NEDD4L: variants seen among roughly 807,000 people sequenced by gnomAD.
The protein encoded by NEDD4L is E3 ubiquitin-protein ligase NEDD4-like.
Under a neutral mutation model 148.9 loss-of-function variants are expected in NEDD4L, and 54 were observed. That is an observed-to-expected ratio of 0.36 (90% CI 0.29 to 0.45). NEDD4L has a LOEUF of 0.45. Among genes scored for constraint, NEDD4L ranks in the 20% least tolerant of loss-of-function variants. NEDD4L has a pLI of 1.00. For synonymous variants in NEDD4L, 433 were observed against 440.7 expected, an observed-to-expected ratio of 0.98 and a Z score of 0.22; for missense variants, 856 against 1,233.8, an observed-to-expected ratio of 0.69 and a Z score of 4.59.
chr18:58,079,478 C>T (rs1002450980), intron 1 of NEDD4L, among the ~76,000 whole-genome samples: 2 of 152,198 alleles, frequency 1.3e-5, no homozygotes, highest in Non-Finnish European at 2.9e-5. Context: ...CACCCTATAA[C>T]TTAGGTAACT....
chr18:58,070,806 A>C (rs2082832630), intron 1 of NEDD4L, among the ~76,000 whole-genome samples: 1 of 149,202 alleles, frequency 6.7e-6, no homozygotes, highest in Non-Finnish European at 1.5e-5. Flanking sequence ...GCGAACCACT[A>C]AACTAAGAGT....
chr18:58,345,974 G>A (rs1002869156), intron 16 of NEDD4L, among the ~76,000 whole-genome samples: 1 of 149,652 alleles, frequency 6.7e-6, no homozygotes, highest in African/African-American at 2.5e-5. Context: ...GGCTAGGCTG[G>A]TCTCGAACTC....
chr18:58,314,469 A>C (rs2058052295), intron 5 of NEDD4L: 1 of 152,074 alleles, frequency 6.6e-6, no homozygotes. Flanking sequence ...TAACAGGCAC[A>C]CTGCCTAATT....
At chr18:58,341,888 ACCT>A (rs1310999088) in intron 15 of NEDD4L, 91 bp downstream of exon 15, 2 of 1,414,072 alleles carry the variant, frequency 1.4e-6, no homozygotes, top group Non-Finnish European at 1.9e-6. Context: ...TTTCGCAGCC[ACCT>A]CCTCTCTCTG....
At chr18:58,054,822 T>G (rs894425633) in intron 1 of NEDD4L, 1 of 152,224 alleles carries the variant, frequency 6.6e-6, no homozygotes, top group African/African-American at 2.4e-5. Flanking sequence ...GGAGCTGAAC[T>G]TCCCATGTTG....
intron 2 of NEDD4L, among the ~76,000 whole-genome samples, chr18:58,176,862 C>A (rs1414708174): frequency 6.6e-6 from 1 of 152,194 alleles, no homozygotes; most frequent in African/African-American, 2.4e-5. Context: ...GTCTGTAGGG[C>A]AGAGAATCTG....
intron 5 of NEDD4L, among the ~76,000 whole-genome samples, chr18:58,294,450 A>G (rs1172703206): frequency 1.3e-5 from 2 of 152,212 alleles, no homozygotes; most frequent in Non-Finnish European, 2.9e-5. Flanking sequence ...CACATTTCTT[A>G]GGAAGTGGCT....
intron 2 of NEDD4L, among the ~76,000 whole-genome samples, chr18:58,169,764 A>C (rs1033905592): frequency 6.6e-6 from 1 of 150,826 alleles, no homozygotes; most frequent in Non-Finnish European, 1.5e-5. Context: ...TGATCTGGTG[A>C]CTCCTCCAGT....
At chr18:58,053,522 G>T (rs189498277) in intron 1 of NEDD4L, among the ~76,000 whole-genome samples, 118 of 152,248 alleles carry the variant, frequency 7.8e-4, no homozygotes, top group Admixed American at 6.0e-3. Context: ...TGTTAGGCAG[G>T]ATGGTCTCGA....
intron 2 of NEDD4L, among the ~76,000 whole-genome samples, chr18:58,209,712 TA>T (rs1279512441): frequency 1.7e-5 from 2 of 115,232 alleles, no homozygotes; most frequent in Non-Finnish European, 3.4e-5. Flanking sequence ...ATCAACTAAG[TA>T]AACAAAAAAA....
rs560243888 is a variant in NEDD4L at position 58,300,060 on chromosome 18, A to G, written c.298-15922A>G. Reference sequence around the variant, plus strand: ...GACTTAAGAGACTGTACATATTGTCATGGGTAAGGATTTAGATCTTGGCTC... The same window carrying G: ...GACTTAAGAGACTGTACATATTGTCGTGGGTAAGGATTTAGATCTTGGCTC... On this transcript the variant is annotated intron_variant, in intron 5 of 30. Transcript: ENST00000400345. Among the ~76,000 whole-genome samples, 21 of 152,348 alleles carry G rather than the reference A, an allele frequency of 1.4e-4. No homozygotes were observed. The South Asian group carries it at 4.1e-3, about 30-fold the overall frequency.
At position 58,221,492 on chromosome 18, in the gene NEDD4L, T is replaced by C. The variant is rs1037081572; in HGVS notation, c.123-23935T>C. On this transcript the variant is annotated intron_variant, in intron 2 of 30. Coordinates refer to ENST00000400345, the MANE Select transcript of NEDD4L (RefSeq NM_001144967.3). ...GGTGGAGCTTGACGCAACCCCCTTT[T>C]CCACCAACAAGCATTTCTTTCTACC... 2.5e-5 allele frequency: 24 copies of C among 957,226 alleles called. No homozygotes were observed. In the African/African-American group the frequency reaches 4.1e-4, roughly 16 times the overall value. The allele number at this position is 957,226 out of a possible 1,614,324, so 59.3% of individuals were successfully genotyped here. A position where few individuals can be genotyped will look rare whatever the true frequency, so the allele number is the denominator to read the frequency against.
At chr18:58,179,495 T>A (rs2038579123) in intron 2 of NEDD4L, among the ~76,000 whole-genome samples, 1 of 152,146 alleles carries the variant, frequency 6.6e-6, no homozygotes, top group Non-Finnish European at 1.5e-5. Context: ...CCAACTCCTG[T>A]GGCGTGTTAG....
intron 1 of NEDD4L, among the ~76,000 whole-genome samples, chr18:58,158,886 C>T (rs965921306): frequency 6.6e-6 from 1 of 152,170 alleles, no homozygotes; most frequent in Admixed American, 6.5e-5. Context: ...TGTGCACACA[C>T]CTTGCCTCTG....
At chr18:58,246,415 A>T (rs993633458) in intron 3 of NEDD4L, among the ~76,000 whole-genome samples, 5 of 152,290 alleles carry the variant, frequency 3.3e-5, no homozygotes, top group African/African-American at 1.2e-4. Flanking sequence ...CCTAATTTTT[A>T]TGTACATGAT....
intron 1 of NEDD4L, among the ~76,000 whole-genome samples, chr18:58,122,217 A>G (rs1598932910): frequency 1.3e-5 from 2 of 152,318 alleles, no homozygotes; most frequent in South Asian, 4.1e-4. Flanking sequence ...AACTCAATCT[A>G]GGCCGGGTGC....
At chr18:58,390,288 G>C (rs558375671) in intron 28 of NEDD4L, 57 of 168,816 alleles carry the variant, frequency 3.4e-4, no homozygotes, top group African/African-American at 1.3e-3. Flanking sequence ...CTCATAACCT[G>C]GCTTCCCCTT....
chr18:58,103,870 A>G (rs947704848), intron 1 of NEDD4L, among the ~76,000 whole-genome samples: 4 of 152,240 alleles, frequency 2.6e-5, no homozygotes, highest in African/African-American at 7.2e-5. Context: ...TGAAGAAAAG[A>G]ATAAAGCTGT....
intron 1 of NEDD4L, among the ~76,000 whole-genome samples, chr18:58,058,583 G>A (rs1485770778): frequency 6.6e-6 from 1 of 152,218 alleles, no homozygotes. Context: ...GAATTCAACA[G>A]AGAAAGAATT....
Sources: gnomAD v4.1 joint callset for allele counts (sites outside exome capture counted in the v4.1 genomes callset) on GRCh38, gnomAD v4.1.1 for gene constraint, MANE v1.5 for transcripts, NCBI Gene and HGNC (gene_info 2026-07-23, HGNC 2026-07-21) for gene names.